The following BPTF variants were observed in gnomAD, a reference collection of about 807,000 sequenced individuals.
BPTF encodes the protein bromodomain PHD finger transcription factor.
In BPTF, 18 loss-of-function variants were observed where a neutral mutation model predicts 292.5. The observed-to-expected ratio is 0.06, with a 90% confidence interval of 0.04 to 0.09. BPTF has a LOEUF of 0.09. Ranked by LOEUF, BPTF falls within the 10% of genes least tolerant of loss-of-function variation. The pLI is 1.00. For synonymous variants in BPTF, 1,225 were observed against 1,251.9 expected (o/e 0.98, Z 0.45); for missense variants, 2,726 against 3,498.7 (o/e 0.78, Z 5.57).
intron 1 of BPTF, among the ~76,000 whole-genome samples, chr17:67,838,963 A>G (rs1343468590): frequency 1.6e-4 from 25 of 151,912 alleles, no homozygotes; most frequent in Non-Finnish European, 1.5e-5. Context: ...CTTTTTTCTA[A>G]TTGTTTCTTG....
chr17:67,976,191 G>A (rs2069389364), intron 27 of BPTF: 1 of 301,708 alleles, frequency 3.3e-6, no homozygotes, highest in Non-Finnish European at 6.0e-6. Context: ...TTCAAGAAGT[G>A]GCCGGGCATA....
chr17:67,948,867 G>C (rs925482708), intron 23 of BPTF, among the ~76,000 whole-genome samples: 21 of 152,328 alleles, frequency 1.4e-4, no homozygotes, highest in African/African-American at 5.1e-4. Flanking sequence ...ACACAGCCCA[G>C]GTACTCGAGA....
intron 1 of BPTF, among the ~76,000 whole-genome samples, chr17:67,844,186 T>A (rs1420220221): frequency 6.7e-6 from 1 of 149,028 alleles, no homozygotes; most frequent in African/African-American, 2.5e-5. Context: ...TTCAAGTGAG[T>A]CTCGTGCCAC....
At chr17:67,879,651 A>G (rs2060270612) in intron 4 of BPTF, among the ~76,000 whole-genome samples, 1 of 152,192 alleles carries the variant, frequency 6.6e-6, no homozygotes, top group African/African-American at 2.4e-5. Context: ...TACAAGAAGC[A>G]TGGTACTGAC....
chr17:67,945,582 G>A lies in BPTF; in HGVS notation c.6874G>A (p.Glu2292Lys), dbSNP rs1374856931. ...QTQPQSPAQP[E>K]VQTQPEVQTQ... ...CCAGCCCCAGTCCCCAGCTCAGCCT[G>A]AAGTTCAGACTCAGCCTGAAGTTCA... Residue 2292 changes from glutamate (E) to lysine (K), a missense_variant, in exon 21 of 28, where the codon GAA (glutamate) becomes AAA (lysine). By Grantham distance (56) the Glu-to-Lys change is moderately conservative. This residue lies in a region of BPTF where 570 missense variants were observed against 633.5 expected (regional missense o/e 0.90). Coordinates refer to ENST00000306378, the MANE Select transcript of BPTF (RefSeq NM_182641.4). 111 of 1,611,386 alleles carry A rather than the reference G, an allele frequency of 6.9e-5. No homozygotes were observed. Among genetic ancestry groups the A allele is most frequent in the Non-Finnish European group, 8.9e-5 (105 of 1,178,784 alleles).
At chr17:67,916,254 T>C (rs2062978793) in intron 11 of BPTF, among the ~76,000 whole-genome samples, 2 of 152,328 alleles carry the variant, frequency 1.3e-5, no homozygotes, top group South Asian at 2.1e-4. Flanking sequence ...ACTTTTTGGC[T>C]AGAGCTTTCT....
In BPTF at chr17:67,825,536, G is replaced by T. The variant is rs1316433516; in HGVS notation, c.-189G>T. On this transcript the variant is annotated 5_prime_UTR_variant, in exon 1 of 28. Coordinates refer to ENST00000306378, the MANE Select transcript of BPTF (RefSeq NM_182641.4). ...AGCGAGAGGGAAGAAACAAGATGGC[G>T]GCTGAAGGCGATCCGGAGTGGGGCC... The T allele has an allele frequency of 4.7e-6, 2 of 424,932 alleles. No homozygotes were observed. The highest frequency in any genetic ancestry group is 5.5e-5 in the Admixed American group (2 of 36,592). The allele number at this position is 424,932 out of a possible 1,614,324, so 26.3% of individuals were successfully genotyped here.
chr17:67,855,938 T>TG (rs1176247457), intron 2 of BPTF, among the ~76,000 whole-genome samples: 3 of 152,332 alleles, frequency 2.0e-5, no homozygotes, highest in African/African-American at 7.2e-5. Flanking sequence ...CTGTCTATGG[T>TG]GTTCTGCAGT....
intron 7 of BPTF, among the ~76,000 whole-genome samples, chr17:67,900,044 T>C (rs1219812779): frequency 1.3e-5 from 2 of 152,230 alleles, no homozygotes; most frequent in South Asian, 2.1e-4. Flanking sequence ...AAGCAGAAGA[T>C]TCCAGGAACA....
At chr17:67,862,192 T>C (rs899623809) in intron 2 of BPTF, among the ~76,000 whole-genome samples, 3 of 152,164 alleles carry the variant, frequency 2.0e-5, no homozygotes, top group Non-Finnish European at 2.9e-5. Flanking sequence ...GCCAGTCTGG[T>C]TTTGGACTCC....
chr17:67,858,367 C>T (rs1312799544), intron 2 of BPTF, among the ~76,000 whole-genome samples: 19 of 152,118 alleles, frequency 1.2e-4, no homozygotes, highest in African/African-American at 4.6e-4. Context: ...GGTGGTAACA[C>T]GGAAACCTTT....
intron 2 of BPTF, among the ~76,000 whole-genome samples, chr17:67,861,811 G>A (rs1055860327): frequency 6.6e-6 from 1 of 152,080 alleles, no homozygotes; most frequent in African/African-American, 2.4e-5. Flanking sequence ...GCAAACCAAA[G>A]CACCTAAAAA....
intron 18 of BPTF, among the ~76,000 whole-genome samples, chr17:67,939,627 C>T (rs1445284250): frequency 6.6e-6 from 1 of 152,176 alleles, no homozygotes; most frequent in Non-Finnish European, 1.5e-5. Flanking sequence ...CCTGTAATCC[C>T]AGCACTTTGG....
At chr17:67,955,930 T>C (rs1451927719) in intron 23 of BPTF, 1 of 151,800 alleles carries the variant, frequency 6.6e-6, no homozygotes, top group Non-Finnish European at 1.5e-5. Context: ...GGTGGATCAG[T>C]TGAGGCCAGG....
intron 9 of BPTF, among the ~76,000 whole-genome samples, chr17:67,907,106 G>A (rs1390962899): frequency 1.3e-5 from 2 of 150,634 alleles, no homozygotes; most frequent in African/African-American, 4.9e-5. Flanking sequence ...GATCGTTTGA[G>A]CCCAGGAGTT....
At chr17:67,964,732 G>A (rs1162439188) in intron 25 of BPTF, among the ~76,000 whole-genome samples, 12 of 152,264 alleles carry the variant, frequency 7.9e-5, no homozygotes, top group Admixed American at 2.0e-4. Flanking sequence ...CGGGCATGGT[G>A]GCTCATGCCT....
intron 13 of BPTF, 77 bp downstream of exon 13, chr17:67,920,220 T>A: frequency 1.3e-6 from 2 of 1,498,144 alleles, no homozygotes; most frequent in Non-Finnish European, 1.8e-6. Context: ...GATATAATTT[T>A]TTCTTCTCTG....
rs530425404 is a variant in BPTF, at chr17:67,945,590, G to C, written c.6882G>C (p.Gln2294His). 4 of 1,611,862 alleles carry C rather than the reference G, an allele frequency of 2.5e-6. No individual in the cohort carries two copies. The highest frequency in any genetic ancestry group is 4.5e-5 in the East Asian group (2 of 44,822). The stretch of plus-strand genomic sequence containing the variant: ...AGTCCCCAGCTCAGCCTGAAGTTCA[G>C]ACTCAGCCTGAAGTTCAGACCCAAA... ...QPQSPAQPEVQTQPEVQTQTT... is the reference protein window; with the variant it reads ...QPQSPAQPEVHTQPEVQTQTT... The change falls in exon 21 of 28, where the codon CAG (glutamine) becomes CAC (histidine). Residue 2294 changes from glutamine to histidine, a missense_variant. By Grantham distance (24) the Gln-to-His change is conservative. This residue lies in a region of BPTF where 570 missense variants were observed against 633.5 expected (regional missense o/e 0.90). Transcript: ENST00000306378.
At chr17:67,955,277 CA>C (rs60507268) in intron 23 of BPTF, 68 of 119,486 alleles carry the variant, frequency 5.7e-4, no homozygotes, top group African/African-American at 2.3e-3. Context: ...GACTCTGTCT[CA>C]AAAAAAAAAA....
Sources: allele counts gnomAD v4.1 joint callset (sites outside exome capture counted in the v4.1 genomes callset), GRCh38; gene constraint gnomAD v4.1.1; regional missense constraint gnomAD v4.1.1; transcripts MANE v1.5; gene names NCBI Gene and HGNC (gene_info 2026-07-23, HGNC 2026-07-21).